GMDS: variants seen among roughly 807,000 people sequenced by gnomAD.
GMDS encodes GDP-mannose 4,6 dehydratase.
Under a neutral mutation model 49.9 loss-of-function variants are expected in GMDS, and 20 were observed. That is an observed-to-expected ratio of 0.40 (90% CI 0.28 to 0.58). The LOEUF (loss-of-function observed/expected upper bound fraction) is 0.58. Ranked by LOEUF, GMDS falls within the 20% of genes least tolerant of loss-of-function variation. GMDS has a pLI of 0.42. For synonymous variants in GMDS, 177 were observed against 178.6 expected, an observed-to-expected ratio of 0.99 and a Z score of 0.07; for missense variants, 362 against 481.4, an observed-to-expected ratio of 0.75 and a Z score of 2.32.
chr6:1,650,416 G>C (rs530447368), intron 9 of GMDS, among the ~76,000 whole-genome samples: 7 of 152,142 alleles, frequency 4.6e-5, no homozygotes, highest in Non-Finnish European at 1.0e-4. Context: ...GCTTGGTACA[G>C]TGGCACCTTT....
chr6:1,774,898 G>T, intron 7 of GMDS, among the ~76,000 whole-genome samples: 1 of 152,180 alleles, frequency 6.6e-6, no homozygotes, highest in Middle Eastern at 3.2e-3. Context: ...GTTCATCAGA[G>T]GCAAGGCCAG....
At chr6:1,950,309 C>T (rs1342253380) in intron 6 of GMDS, among the ~76,000 whole-genome samples, 6 of 152,170 alleles carry the variant, frequency 3.9e-5, no homozygotes, top group Non-Finnish European at 1.5e-5. Flanking sequence ...TCAGTTCTAA[C>T]TGTTGTTTTA....
chr6:2,160,479 T>A (rs574408225), intron 1 of GMDS, among the ~76,000 whole-genome samples: 89 of 152,352 alleles, frequency 5.8e-4, no homozygotes, highest in Non-Finnish European at 8.1e-4. Context: ...AACTCTTTTT[T>A]AAAATAGATT....
chr6:2,207,628 C>T lies in GMDS; in HGVS notation c.102+37693G>A, dbSNP rs115076290. ...TAACTTGTCTGCATTGTTCCTAGGA[C>T]GGTTTTGTTCCTAGCACCTAGCAGA... On this transcript the variant is annotated intron_variant, in intron 1 of 10. Transcript: ENST00000380815. Among the ~76,000 whole-genome samples, 491 of 152,048 alleles carry T rather than the reference C, an allele frequency of 3.2e-3. 11 individuals carry two copies. The highest frequency in any genetic ancestry group is 0.011 in the African/African-American group (463 of 41,340).
chr6:1,942,178 G>C (rs985960110), intron 6 of GMDS, among the ~76,000 whole-genome samples: 7 of 152,170 alleles, frequency 4.6e-5, no homozygotes, highest in African/African-American at 1.7e-4. Flanking sequence ...GGATGGCCCT[G>C]CATGGTGAAT....
At chr6:1,633,641 G>C (rs142137597) in intron 9 of GMDS, among the ~76,000 whole-genome samples, 1 of 152,346 alleles carries the variant, frequency 6.6e-6, no homozygotes, top group East Asian at 1.9e-4. Flanking sequence ...GTCACAGAAA[G>C]ATCTGGGGTG....
intron 4 of GMDS, among the ~76,000 whole-genome samples, chr6:2,023,838 T>C (rs1768419633): frequency 6.6e-6 from 1 of 152,130 alleles, no homozygotes; most frequent in Non-Finnish European, 1.5e-5. Context: ...CTTAAAGATA[T>C]GGAAGAGAGG....
intron 7 of GMDS, among the ~76,000 whole-genome samples, chr6:1,859,602 C>CT (rs368938196): frequency 1.3e-3 from 199 of 152,222 alleles, no homozygotes; most frequent in African/African-American, 4.5e-3. Flanking sequence ...GCCCTTGTTT[C>CT]TGGATGGTCT....
chr6:1,729,556 G>A (rs1045784444), intron 8 of GMDS, among the ~76,000 whole-genome samples: 4 of 152,148 alleles, frequency 2.6e-5, no homozygotes, highest in African/African-American at 9.7e-5. Flanking sequence ...CAAAAGTTTC[G>A]GCCAAGTGCC....
intron 7 of GMDS, among the ~76,000 whole-genome samples, chr6:1,891,285 A>G (rs1759855794): frequency 6.6e-6 from 1 of 152,232 alleles, no homozygotes; most frequent in African/African-American, 2.4e-5. Context: ...GCTGAGAAAT[A>G]AATTCATGTC....
At chr6:1,838,628 A>G (rs567340052) in intron 7 of GMDS, among the ~76,000 whole-genome samples, 1 of 152,316 alleles carries the variant, frequency 6.6e-6, no homozygotes, top group East Asian at 1.9e-4. Context: ...TTTCTTGGTT[A>G]GTACTGTGAT....
intron 9 of GMDS, among the ~76,000 whole-genome samples, chr6:1,704,703 C>A (rs947934945): frequency 1.3e-5 from 2 of 152,084 alleles, no homozygotes; most frequent in African/African-American, 4.8e-5. Flanking sequence ...CCTGAACTTC[C>A]GTTGTTGTGG....
Position 2,141,868 on chromosome 6 carries a change from C to CTCTG in GMDS, c.103-17138_103-17137insCAGA, listed in dbSNP as rs1272802478. ...GGGTTTGGTTTTGGTTGTGCGTGCT[C>CTCTG]TCTCTCTCTCTCTCTCTCTCTCTTC... On this transcript the variant is annotated intron_variant, in intron 1 of 10. Transcript: ENST00000380815. Among the ~76,000 whole-genome samples the CTCTG allele has an allele frequency of 2.9e-5, 3 of 102,860 alleles. 1 individual carries two copies. The East Asian group carries it at 9.4e-4, about 32-fold the overall frequency. 67.5% of individuals were successfully genotyped at this position (102,860 alleles called of 152,430 possible). A position where few individuals can be genotyped will look rare whatever the true frequency, so the allele number is the denominator to read the frequency against.
intron 9 of GMDS, among the ~76,000 whole-genome samples, chr6:1,693,048 C>A (rs1279829595): frequency 6.6e-6 from 1 of 152,210 alleles, no homozygotes; most frequent in Non-Finnish European, 1.5e-5. Flanking sequence ...AGCAGCGGTA[C>A]TTTTGGCTCC....
chr6:1,999,938 AT>A (rs1766573670), intron 4 of GMDS, among the ~76,000 whole-genome samples: 1 of 73,898 alleles, frequency 1.4e-5, no homozygotes, highest in South Asian at 4.0e-4. Flanking sequence ...ATATTATTAT[AT>A]ATAATATATA....
chr6:2,030,048 A>C (rs1170517175), intron 4 of GMDS, among the ~76,000 whole-genome samples: 2 of 152,050 alleles, frequency 1.3e-5, no homozygotes, highest in African/African-American at 2.4e-5. Flanking sequence ...AGTCCAGAGA[A>C]GGGGGCAGGT....
chr6:2,209,605 G>GTT (rs1491015828), intron 1 of GMDS, among the ~76,000 whole-genome samples: 3 of 120,246 alleles, frequency 2.5e-5, no homozygotes, highest in Non-Finnish European at 3.6e-5. Context: ...ACACACACAC[G>GTT]TTCTCTCTCT....
chr6:1,868,337 A>T lies in GMDS; in HGVS notation c.771+61766T>A, dbSNP rs924540179. Among the ~76,000 whole-genome samples, 3 of 152,262 alleles carry T rather than the reference A, an allele frequency of 2.0e-5. No homozygotes were observed. The East Asian group carries it at 5.8e-4, about 29-fold the overall frequency. ...ACCCACTATGTTTCTTCACCAGTCT[A>T]TTCTAAGTGTCTAATCAGGTAACCT... On this transcript the variant is annotated intron_variant, in intron 7 of 10. Transcript: ENST00000380815.
intron 1 of GMDS, among the ~76,000 whole-genome samples, chr6:2,202,744 T>G (rs1779607638): frequency 6.6e-6 from 1 of 152,204 alleles, no homozygotes; most frequent in Non-Finnish European, 1.5e-5. Flanking sequence ...CTGGATAGAA[T>G]GGGCTGTTTC....
Sources: gnomAD v4.1 joint callset for allele counts (sites outside exome capture counted in the v4.1 genomes callset) on GRCh38, gnomAD v4.1.1 for gene constraint, MANE v1.5 for transcripts, NCBI Gene and HGNC (gene_info 2026-07-23, HGNC 2026-07-21) for gene names.